Variants in KIF5C observed in about 807,000 individuals in gnomAD.
KIF5C encodes the protein kinesin heavy chain isoform 5C.
KIF5C carries 18 observed loss-of-function variants against 125.2 expected under a neutral mutation model. The ratio of observed to expected loss-of-function variants is 0.14; its 90% confidence interval spans 0.10 to 0.21. The LOEUF (loss-of-function observed/expected upper bound fraction) is 0.21, where lower values mean the gene tolerates loss of function less well. Among genes scored for constraint, KIF5C ranks in the 10% least tolerant of loss-of-function variants. KIF5C has a pLI of 1.00. For missense variants in KIF5C, 780 were observed against 1,183.8 expected, an observed-to-expected ratio of 0.66 and a Z score of 5.01; for synonymous variants, 405 against 434.0, an observed-to-expected ratio of 0.93 and a Z score of 0.83.
chr2:148,988,332 A>G (rs1398115354), intron 15 of KIF5C, among the ~76,000 whole-genome samples: 6 of 152,316 alleles, frequency 3.9e-5, no homozygotes, highest in Non-Finnish European at 7.4e-5. Flanking sequence ...CTCCAAGGAC[A>G]GGAACTGGCT....
Position 149,023,735 on chromosome 2 carries a change from T to C in KIF5C, c.*665T>C, listed in dbSNP as rs1406567548. Reference sequence around the variant, plus strand: ...TAGAATTTGTTCATTCAAATACATCTGTGTAAATGCAAAAAGTCATAAAAT... The same window carrying C: ...TAGAATTTGTTCATTCAAATACATCCGTGTAAATGCAAAAAGTCATAAAAT... On this transcript the variant is annotated 3_prime_UTR_variant, in exon 26 of 26. Transcript: ENST00000435030. The C allele has an allele frequency of 6.6e-6, 1 of 152,408 alleles. No individual in the cohort carries two copies. The highest frequency in any genetic ancestry group is 2.4e-5 in the African/African-American group (1 of 41,456). 9.4% of individuals were successfully genotyped at this position (152,408 alleles called of 1,614,324 possible).
At chr2:148,959,351 A>G (rs1472644148) in intron 10 of KIF5C, among the ~76,000 whole-genome samples, 2 of 151,332 alleles carry the variant, frequency 1.3e-5, no homozygotes, top group Non-Finnish European at 2.9e-5. Flanking sequence ...TGTCCTTGCT[A>G]TTCTTTTTTT....
At chr2:148,902,981 G>A (rs1236827960) in intron 1 of KIF5C, among the ~76,000 whole-genome samples, 4 of 152,084 alleles carry the variant, frequency 2.6e-5, no homozygotes, top group Non-Finnish European at 4.4e-5. Context: ...TTATGCACAG[G>A]CAGTGGCTTC....
chr2:148,958,899 A>G (rs4404237), intron 10 of KIF5C, among the ~76,000 whole-genome samples: 21,961 of 145,354 alleles, frequency 0.15, 2,242 homozygotes, highest in African/African-American at 0.3. Context: ...CAGGAGAATC[A>G]CTTGAACCCG....
At chr2:148,883,343 T>C (rs1681421025) in intron 1 of KIF5C, among the ~76,000 whole-genome samples, 1 of 151,954 alleles carries the variant, frequency 6.6e-6, no homozygotes, top group African/African-American at 2.4e-5. Flanking sequence ...CTACTAAAAA[T>C]ACAAAAAATT....
At chr2:148,920,372 A>G (rs976573685) in intron 1 of KIF5C, among the ~76,000 whole-genome samples, 1 of 152,272 alleles carries the variant, frequency 6.6e-6, no homozygotes, top group Non-Finnish European at 1.5e-5. Flanking sequence ...TTTTACAAAT[A>G]GATAAAGCTT....
At chr2:148,915,011 T>C (rs1558889875) in intron 1 of KIF5C, among the ~76,000 whole-genome samples, 1 of 152,200 alleles carries the variant, frequency 6.6e-6, no homozygotes, top group African/African-American at 2.4e-5. Context: ...TATGGGATGT[T>C]TTGCCCCAAT....
chr2:148,961,889 AT>A, intron 10 of KIF5C, 81 bp from the exon 11 acceptor site: 1 of 1,515,316 alleles, frequency 6.6e-7, no homozygotes, highest in Non-Finnish European at 8.8e-7. Flanking sequence ...GTCTTTTGAC[AT>A]GAGGAATCTT....
chr2:148,960,089 A>G (rs1682890307), intron 10 of KIF5C, among the ~76,000 whole-genome samples: 1 of 152,208 alleles, frequency 6.6e-6, no homozygotes, highest in Non-Finnish European at 1.5e-5. Context: ...GTTTCCTTCC[A>G]GGACCCCGAT....
chr2:148,946,820 T>C, intron 7 of KIF5C, 79 bp from the exon 8 acceptor site: 1 of 1,577,428 alleles, frequency 6.3e-7, no homozygotes, highest in Non-Finnish European at 8.6e-7. Flanking sequence ...AGGCATGACT[T>C]GTTATGCTTT....
At chr2:148,941,570 T>G in intron 4 of KIF5C, 40 bp from the exon 5 acceptor site, 1 of 1,551,358 alleles carries the variant, frequency 6.4e-7, no homozygotes, top group South Asian at 1.2e-5. Context: ...TGAAATACAC[T>G]GCGGCATGTC....
intron 17 of KIF5C, among the ~76,000 whole-genome samples, chr2:148,996,641 C>T (rs1455371626): frequency 1.3e-5 from 2 of 152,228 alleles, no homozygotes; most frequent in East Asian, 3.9e-4. Flanking sequence ...CACCATCGAC[C>T]AAGCATATGC....
At chr2:148,999,116 ATGT>A (rs1304340871) in intron 19 of KIF5C, among the ~76,000 whole-genome samples, 1 of 152,176 alleles carries the variant, frequency 6.6e-6, no homozygotes, top group Admixed American at 6.5e-5. Context: ...ACACCCCCTC[ATGT>A]TGTGCTCCTG....
chr2:148,962,062 AAGACTTTGAAGAATGTTATCC>A lies in KIF5C; in HGVS notation c.1063_1083del (p.Thr355_Gln361del). 1 of 1,613,906 alleles carries A rather than the reference AAGACTTTGAAGAATGTTATCC, an allele frequency of 6.2e-7. No individual in the cohort carries two copies. The highest frequency in any genetic ancestry group is 8.5e-7 in the Non-Finnish European group (1 of 1,179,836). On this transcript the variant is annotated inframe_deletion, in exon 11 of 26. Coordinates refer to ENST00000435030, the MANE Select transcript of KIF5C (RefSeq NM_004522.3). The stretch of plus-strand genomic sequence containing the variant: ...ATATGAAAAAGAGAAAGAGAAAAAC[AAGACTTTGAAGAATGTTATCC>A]AGCATCTGGAGATGGAGCTAAACAG...
At position 149,024,515 on chromosome 2, in the gene KIF5C, AGTGTGTGTGTGTGTGTGTGTGTGT is replaced by A. The variant is rs10577971; in HGVS notation, c.*1468_*1491del. The A allele has an allele frequency of 2.3e-5, 3 of 128,630 alleles. No homozygotes were observed. The highest frequency in any genetic ancestry group is 7.8e-5 in the Admixed American group (1 of 12,902). 8.0% of individuals were successfully genotyped at this position (128,630 alleles called of 1,614,324 possible). ...GACTGTGTGGGTCGAAGGTAGCTCAAGTGTGTGTGTGTGTGTGTGTGTGTGTGTGTGTGTGTGTGTGTGTGTATG... is the reference window on the plus strand; with the variant it reads ...GACTGTGTGGGTCGAAGGTAGCTCAAGTGTGTGTGTGTGTGTGTGTGTATG... On this transcript the variant is annotated 3_prime_UTR_variant, in exon 26 of 26. Transcript: ENST00000435030.
chr2:148,991,988 G>A (rs1681538979), intron 16 of KIF5C, among the ~76,000 whole-genome samples: 1 of 152,216 alleles, frequency 6.6e-6, no homozygotes, highest in Non-Finnish European at 1.5e-5. Context: ...TCCAGGAGGG[G>A]TCTAGTTGTA....
chr2:148,996,135 A>G (rs750732053), intron 17 of KIF5C, among the ~76,000 whole-genome samples: 9 of 152,286 alleles, frequency 5.9e-5, no homozygotes, highest in Non-Finnish European at 7.4e-5. Context: ...AGCCTGGGCG[A>G]CAGAACAAGA....
chr2:148,992,692 G>A (rs554098113), intron 16 of KIF5C, among the ~76,000 whole-genome samples: 1 of 152,360 alleles, frequency 6.6e-6, no homozygotes, highest in South Asian at 2.1e-4. Flanking sequence ...CTGCAGCTAA[G>A]ACCAGGAATA....
At chr2:149,000,942 CT>C (rs1237592250) in intron 21 of KIF5C, among the ~76,000 whole-genome samples, 160 bp downstream of exon 21, 2 of 152,212 alleles carry the variant, frequency 1.3e-5, no homozygotes, top group Non-Finnish European at 2.9e-5. Context: ...TAGTCCTCAA[CT>C]TTTCACAGAA....
Sources: gnomAD v4.1 joint callset for allele counts (sites outside exome capture counted in the v4.1 genomes callset) on GRCh38, gnomAD v4.1.1 for gene constraint, MANE v1.5 for transcripts, NCBI Gene and HGNC (gene_info 2026-07-23, HGNC 2026-07-21) for gene names.